MAD1L1: variants seen among roughly 807,000 people sequenced by gnomAD.
MAD1L1 encodes the protein mitotic arrest deficient 1 like 1.
MAD1L1 carries 95 observed loss-of-function variants against 96.9 expected under a neutral mutation model. The observed-to-expected ratio is 0.98, with a 90% CI of 0.83 to 1.16. The LOEUF (loss-of-function observed/expected upper bound fraction) is 1.16. MAD1L1 is among the 50% of genes most tolerant of loss of function. MAD1L1 has a pLI of 0.00. For missense variants in MAD1L1, 1,007 were observed against 954.4 expected, an observed-to-expected ratio of 1.06 and a Z score of -0.73; for synonymous variants, 473 against 396.6, an observed-to-expected ratio of 1.19 and a Z score of -2.29.
At chr7:1,992,435 A>G (rs1443631084) in intron 14 of MAD1L1, among the ~76,000 whole-genome samples, 1 of 152,152 alleles carries the variant, frequency 6.6e-6, no homozygotes, top group African/African-American at 2.4e-5. Context: ...CTCTCTGGAG[A>G]AAAACGTGTG....
chr7:2,228,094 C>A (rs1014738068), intron 3 of MAD1L1, among the ~76,000 whole-genome samples: 1 of 152,062 alleles, frequency 6.6e-6, no homozygotes, highest in Non-Finnish European at 1.5e-5. Flanking sequence ...CTGGTCTTGC[C>A]GCCATCACTC....
Position 2,216,195 on chromosome 7 carries a change from C to T in MAD1L1, c.771G>A (p.Arg257=). Residue 257 remains arginine, a synonymous_variant, in exon 8 of 19, where the codon CGG becomes CGA. Transcript: ENST00000265854. The stretch of plus-strand genomic sequence containing the variant: ...TCTCCTCCCGCAGCTGCTTCAGCTC[C>T]CGTTCCAGCCTAGGGAGCCGTACCA... ...SELVRLPRLE[R]ELKQLREESA... 1 of 1,613,922 alleles carries T rather than the reference C, an allele frequency of 6.2e-7. No homozygotes were observed. Among genetic ancestry groups the T allele is most frequent in the Non-Finnish European group, 8.5e-7 (1 of 1,180,030 alleles).
At chr7:2,009,857 T>C (rs532760032) in intron 13 of MAD1L1, among the ~76,000 whole-genome samples, 2 of 152,244 alleles carry the variant, frequency 1.3e-5, no homozygotes, top group South Asian at 2.1e-4. Context: ...GCTCTAAGTG[T>C]GTGCTGCCGG....
intron 14 of MAD1L1, among the ~76,000 whole-genome samples, chr7:1,992,747 G>A (rs372797947): frequency 2.9e-4 from 44 of 152,298 alleles, no homozygotes; most frequent in African/African-American, 9.4e-4. Flanking sequence ...GCCCCCAGGC[G>A]GCCCAGTCCA....
chr7:2,216,327 C>A, intron 7 of MAD1L1, 40 bp from the exon 8 acceptor site: 1 of 1,597,098 alleles, frequency 6.3e-7, no homozygotes, highest in Non-Finnish European at 8.5e-7. Flanking sequence ...GAAAAATGAG[C>A]CACGAAGAGA....
chr7:2,020,945 T>A (rs572308746), intron 12 of MAD1L1, among the ~76,000 whole-genome samples: 1 of 150,876 alleles, frequency 6.6e-6, no homozygotes. Context: ...AAACAACATA[T>A]GCAGAAAGTA....
chr7:1,955,044 C>T (rs990935756), intron 16 of MAD1L1, among the ~76,000 whole-genome samples: 2 of 152,240 alleles, frequency 1.3e-5, no homozygotes, highest in African/African-American at 4.8e-5. Flanking sequence ...GTCTCCTGGC[C>T]TCAGCACCGC....
intron 15 of MAD1L1, among the ~76,000 whole-genome samples, chr7:1,974,537 G>A (rs1780543083): frequency 6.6e-6 from 1 of 152,126 alleles, no homozygotes; most frequent in African/African-American, 2.4e-5. Context: ...AGACTCTCAG[G>A]AAACGAAGAG....
At chr7:2,156,278 G>A (rs911140461) in intron 10 of MAD1L1, among the ~76,000 whole-genome samples, 4 of 152,102 alleles carry the variant, frequency 2.6e-5, no homozygotes, top group African/African-American at 9.7e-5. Flanking sequence ...GGGAGCGGGC[G>A]CATGGTTTCA....
intron 11 of MAD1L1, among the ~76,000 whole-genome samples, chr7:2,078,926 C>T (rs1584267756): frequency 6.6e-6 from 1 of 152,372 alleles, no homozygotes; most frequent in East Asian, 1.9e-4. Context: ...TCTCCAGGGC[C>T]GTGCCTTGGG....
At chr7:2,018,026 C>T (rs192212446) in intron 12 of MAD1L1, among the ~76,000 whole-genome samples, 325 of 152,116 alleles carry the variant, frequency 2.1e-3, no homozygotes, top group Non-Finnish European at 3.2e-3. Context: ...GACTGCAGGA[C>T]GCCGGCCCTG....
chr7:2,161,845 G>C (rs1160373646), intron 10 of MAD1L1, among the ~76,000 whole-genome samples: 1 of 151,244 alleles, frequency 6.6e-6, no homozygotes, highest in Non-Finnish European at 1.5e-5. Flanking sequence ...CCCTGTCTGG[G>C]AAGTGAGGAG....
chr7:1,898,205 A>T lies in MAD1L1; in HGVS notation c.1993T>A (p.Phe665Ile), dbSNP rs1158151724. The change falls in exon 18 of 19, where the codon TTC becomes ATC. Residue 665 changes from phenylalanine to isoleucine, a missense_variant. Physicochemically the swap from Phe to Ile is conservative, Grantham distance 21 (BLOSUM62 0). Transcript: ENST00000265854. ...CCGTCACACGCAGGACCCACCTTGA[A>T]GATGAGGCAGTCGCCTGGGTGCTCG... ...YAEHPGDCLI[F>I]KATSPSGSKM... 1 of 1,608,160 alleles carries T rather than the reference A, an allele frequency of 6.2e-7. No homozygotes were observed. The highest frequency in any genetic ancestry group is 8.5e-7 in the Non-Finnish European group (1 of 1,177,166).
intron 14 of MAD1L1, among the ~76,000 whole-genome samples, chr7:2,001,345 C>G (rs760411598): frequency 6.6e-6 from 1 of 152,278 alleles, no homozygotes; most frequent in Non-Finnish European, 1.5e-5. Flanking sequence ...AAGGCCAGGG[C>G]AGCATGGAGG....
intron 10 of MAD1L1, among the ~76,000 whole-genome samples, chr7:2,185,786 A>G (rs1791431623): frequency 6.6e-6 from 1 of 152,236 alleles, no homozygotes. Flanking sequence ...TCGAAATAAC[A>G]GGCGAGAATG....
intron 5 of MAD1L1, chr7:2,221,018 G>T: frequency 6.2e-7 from 1 of 1,612,138 alleles, no homozygotes. Context: ...GTGACAATCA[G>T]GACCCTGTGA....
chr7:1,823,306 T>C (rs1782224999), intron 18 of MAD1L1, among the ~76,000 whole-genome samples: 1 of 152,000 alleles, frequency 6.6e-6, no homozygotes, highest in African/African-American at 2.4e-5. Context: ...AGAATTATGT[T>C]AAAAAAGAAA....
chr7:1,939,055 C>T (rs1778798049), intron 16 of MAD1L1, among the ~76,000 whole-genome samples: 1 of 145,214 alleles, frequency 6.9e-6, no homozygotes, highest in Admixed American at 6.8e-5. Flanking sequence ...GGCACACACA[C>T]ACACACACGG....
Position 2,068,225 on chromosome 7 carries a change from C to A in MAD1L1, c.1218+969G>T, listed in dbSNP as rs1784968843. ...CGCAGGGGCCAGCTCAGCCTGTGTTCCGGGTGCCCACACAGTCAGTGCCCG... is the reference window on the plus strand; with the variant it reads ...CGCAGGGGCCAGCTCAGCCTGTGTTACGGGTGCCCACACAGTCAGTGCCCG... On this transcript the variant is annotated intron_variant, in intron 12 of 18. Coordinates refer to ENST00000265854, the MANE Select transcript of MAD1L1 (RefSeq NM_001013836.2). Among the ~76,000 whole-genome samples, 4 of 152,172 alleles carry A rather than the reference C, an allele frequency of 2.6e-5. No homozygotes were observed. The South Asian group carries it at 8.3e-4, about 32-fold the overall frequency.
Sources: gnomAD v4.1 joint callset for allele counts (sites outside exome capture counted in the v4.1 genomes callset) on GRCh38, gnomAD v4.1.1 for gene constraint, MANE v1.5 for transcripts, NCBI Gene and HGNC (gene_info 2026-07-23, HGNC 2026-07-21) for gene names.